Variants in RABGAP1L observed in about 807,000 individuals in gnomAD.
The protein encoded by RABGAP1L is rab GTPase-activating protein 1-like.
In RABGAP1L, 63 loss-of-function variants were observed where a neutral mutation model predicts 137.7. The ratio of observed to expected loss-of-function variants is 0.46; its 90% CI spans 0.37 to 0.56. The LOEUF is 0.56. Among genes scored for constraint, RABGAP1L ranks in the 20% least tolerant of loss-of-function variants. The pLI is 0.00. For synonymous variants in RABGAP1L, 431 were observed against 433.7 expected (o/e 0.99, Z 0.08); for missense variants, 1,095 against 1,244.0 (o/e 0.88, Z 1.80).
At position 174,243,592 on chromosome 1, in the gene RABGAP1L, TAGAG is replaced by T. The variant is rs536547214; in HGVS notation, c.717+1938_717+1941del. ...TAAATGAGGAATAACCCAATATAAA[TAGAG>T]AGCTTATGCCAGGCACTGTGCTAAG... On this transcript the variant is annotated intron_variant, in intron 5 of 25. Transcript: ENST00000681986. Among the ~76,000 whole-genome samples the T allele has an allele frequency of 2.6e-5, 4 of 152,310 alleles. 1 individual carries two copies. In the South Asian group the frequency reaches 8.3e-4, roughly 32 times the overall value.
intron 13 of RABGAP1L, among the ~76,000 whole-genome samples, chr1:174,610,422 A>G (rs1315975927): frequency 6.6e-6 from 1 of 151,772 alleles, no homozygotes; most frequent in Non-Finnish European, 1.5e-5. Flanking sequence ...TCCATGGTGT[A>G]TATGTGCCAC....
chr1:174,160,426 C>T (rs1664346572), intron 1 of RABGAP1L, among the ~76,000 whole-genome samples: 2 of 152,176 alleles, frequency 1.3e-5, no homozygotes, highest in Admixed American at 1.3e-4. Flanking sequence ...GGGAGGTGGC[C>T]GGGTGCATGG....
chr1:174,240,363 C>T (rs1671698948), intron 4 of RABGAP1L, among the ~76,000 whole-genome samples: 2 of 152,202 alleles, frequency 1.3e-5, no homozygotes, highest in Non-Finnish European at 1.5e-5. Flanking sequence ...TCTCATACCT[C>T]GGCCTCCTGA....
chr1:174,816,312 C>G (rs904057498), intron 19 of RABGAP1L, among the ~76,000 whole-genome samples: 11 of 151,908 alleles, frequency 7.2e-5, no homozygotes, highest in African/African-American at 2.7e-4. Context: ...ACCACCACGC[C>G]CAGATAATGT....
chr1:174,435,031 A>AT (rs1196645534), intron 13 of RABGAP1L, among the ~76,000 whole-genome samples: 4 of 152,094 alleles, frequency 2.6e-5, no homozygotes, highest in African/African-American at 9.6e-5. Context: ...GTCTTTGTCT[A>AT]TTTTTTAAGA....
chr1:174,692,465 G>T (rs914257903), intron 15 of RABGAP1L, among the ~76,000 whole-genome samples: 4 of 152,120 alleles, frequency 2.6e-5, no homozygotes, highest in Non-Finnish European at 5.9e-5. Flanking sequence ...TTCCCTCTGA[G>T]CTTGTATACA....
chr1:174,982,984 A>G lies in RABGAP1L; in HGVS notation c.2805+79A>G. ...GTAAGTACCTGAAAGAACCCCAAAC[A>G]CCACCATTTTGTATTAAAGGATTTA... is the stretch of plus-strand genomic sequence containing the variant. On this transcript the variant is annotated intron_variant, in intron 24 of 25. Transcript: ENST00000681986. 6.5e-6 allele frequency: 9 copies of G among 1,378,532 alleles called. No homozygotes were observed. In the South Asian group the frequency reaches 1.1e-4, roughly 17 times the overall value. The allele number at this position is 1,378,532 out of a possible 1,614,324, so 85.4% of individuals were successfully genotyped here.
At chr1:174,722,220 G>A (rs948219481) in intron 17 of RABGAP1L, among the ~76,000 whole-genome samples, 1 of 151,982 alleles carries the variant, frequency 6.6e-6, no homozygotes, top group Admixed American at 6.6e-5. Flanking sequence ...GAGCCACCGC[G>A]CCTGGCCGAT....
intron 14 of RABGAP1L, among the ~76,000 whole-genome samples, chr1:174,643,795 G>T (rs1029257443): frequency 1.3e-5 from 2 of 151,684 alleles, no homozygotes; most frequent in African/African-American, 4.8e-5. Context: ...TAGATGAATT[G>T]TCCAATTCTG....
chr1:174,842,933 C>G (rs1312496044), intron 19 of RABGAP1L, among the ~76,000 whole-genome samples: 1 of 152,126 alleles, frequency 6.6e-6, no homozygotes, highest in African/African-American at 2.4e-5. Context: ...AAAGTTTCTA[C>G]TGCTGCCTGC....
intron 7 of RABGAP1L, among the ~76,000 whole-genome samples, chr1:174,264,043 G>C (rs1278584446): frequency 6.6e-6 from 1 of 151,940 alleles, no homozygotes; most frequent in Non-Finnish European, 1.5e-5. Flanking sequence ...TTGAAGGGAA[G>C]AGGGAGGAAG....
chr1:174,958,253 T>TA, intron 20 of RABGAP1L: 1 of 1,157,496 alleles, frequency 8.6e-7, no homozygotes. Context: ...ATATTTGAGT[T>TA]AAAGTATGAA....
At position 174,610,342 on chromosome 1, in the gene RABGAP1L, G is replaced by A. The variant is rs1383282432; in HGVS notation, c.1711-27033G>A. On this transcript the variant is annotated intron_variant, in intron 13 of 25. Transcript: ENST00000681986. ...GTCCTTGTGATAGTTTACTGAGAAT[G>A]ATGATTTCCAATTTCATCCATGTCC... 2.6e-5 allele frequency among the ~76,000 whole-genome samples: 4 copies of A among 151,384 alleles called. No homozygotes were observed. In the East Asian group the frequency reaches 5.8e-4, roughly 22 times the overall value.
At chr1:174,911,169 T>C (rs1460403920) in intron 19 of RABGAP1L, among the ~76,000 whole-genome samples, 2 of 152,302 alleles carry the variant, frequency 1.3e-5, no homozygotes, top group East Asian at 3.9e-4. Context: ...TAAACTTTTT[T>C]ATATATTATG....
At chr1:174,739,737 A>G (rs940403285) in intron 17 of RABGAP1L, among the ~76,000 whole-genome samples, 1 of 152,226 alleles carries the variant, frequency 6.6e-6, no homozygotes, top group Non-Finnish European at 1.5e-5. Flanking sequence ...AACTCAGGTA[A>G]ATCATCTAAC....
chr1:174,193,509 G>A (rs916482505), intron 1 of RABGAP1L, among the ~76,000 whole-genome samples: 1 of 152,168 alleles, frequency 6.6e-6, no homozygotes, highest in African/African-American at 2.4e-5. Flanking sequence ...TCCAGCCTGG[G>A]TGACAGAGCA....
At chr1:174,508,584 G>A (rs1340817650) in intron 13 of RABGAP1L, among the ~76,000 whole-genome samples, 1 of 152,124 alleles carries the variant, frequency 6.6e-6, no homozygotes, top group Non-Finnish European at 1.5e-5. Context: ...TTGCAATTGT[G>A]TATTCTACCC....
At chr1:174,551,019 T>C (rs180871801) in intron 13 of RABGAP1L, among the ~76,000 whole-genome samples, 4,605 of 115,916 alleles carry the variant, frequency 0.04, 272 homozygotes, top group Middle Eastern at 0.1. Context: ...TATATATATA[T>C]ATACATACAC....
rs144215090 is a variant in RABGAP1L, at chr1:174,605,753, A to T, written c.1711-31622A>T. Among the ~76,000 whole-genome samples, 115 of 152,364 alleles carry T rather than the reference A, an allele frequency of 7.5e-4. 3 individuals are homozygous for T. In the East Asian group the frequency reaches 0.02, roughly 27 times the overall value. On this transcript the variant is annotated intron_variant, in intron 13 of 25. Transcript: ENST00000681986. The stretch of plus-strand genomic sequence containing the variant: ...AATTAATTGTTGGGCCCTTTCAATT[A>T]GAGCACAAACAAGATAATTTTGTTC...
Sources: gnomAD v4.1 joint callset for allele counts (sites outside exome capture counted in the v4.1 genomes callset) on GRCh38, gnomAD v4.1.1 for gene constraint, MANE v1.5 for transcripts, NCBI Gene and HGNC (gene_info 2026-07-23, HGNC 2026-07-21) for gene names.